The following SERGEF variants were observed in gnomAD, a reference collection of about 807,000 sequenced individuals.
The protein encoded by SERGEF is secretion regulating guanine nucleotide exchange factor, also known as secretion-regulating guanine nucleotide exchange factor.
In SERGEF, 51 loss-of-function variants were observed where a neutral mutation model predicts 50.0. That is an observed-to-expected ratio of 1.02 (90% CI 0.81 to 1.29). The LOEUF (loss-of-function observed/expected upper bound fraction) is 1.29, where lower values mean the gene tolerates loss of function less well. Ranked by LOEUF, SERGEF falls within the 50% of genes most tolerant of loss-of-function variation. The pLI is 0.00. For missense variants in SERGEF, 521 were observed against 557.0 expected (o/e 0.94, Z 0.65); for synonymous variants, 205 against 212.4 (o/e 0.97, Z 0.30).
chr11:17,866,803 T>C (rs190487937), intron 10 of SERGEF: 456 of 152,344 alleles, frequency 3.0e-3, no homozygotes, highest in Non-Finnish European at 4.0e-3. Context: ...TTCCATGTGG[T>C]TGGGGAGGCC....
At chr11:17,993,014 T>C in intron 6 of SERGEF, 21 bp from the exon 7 acceptor site, 1 of 1,608,078 alleles carries the variant, frequency 6.2e-7, no homozygotes, top group Non-Finnish European at 8.5e-7. Flanking sequence ...AAAAATGTTC[T>C]TCTGAATTAC....
intron 10 of SERGEF, among the ~76,000 whole-genome samples, chr11:17,814,777 T>C (rs1849933789): frequency 6.6e-6 from 1 of 152,226 alleles, no homozygotes; most frequent in African/African-American, 2.4e-5. Flanking sequence ...GCAAATAATG[T>C]TGCTGATTCC....
chr11:18,000,871 C>G, intron 4 of SERGEF: 1 of 517,706 alleles, frequency 1.9e-6, no homozygotes, highest in Non-Finnish European at 3.7e-6. Context: ...GTTTTACAGG[C>G]CACAGTTTCT....
At chr11:17,945,712 T>A (rs187954194) in intron 9 of SERGEF, among the ~76,000 whole-genome samples, 29 of 152,238 alleles carry the variant, frequency 1.9e-4, no homozygotes, top group African/African-American at 6.7e-4. Context: ...TTTGGGAGGC[T>A]AAGGCAGGCG....
intron 6 of SERGEF, among the ~76,000 whole-genome samples, chr11:17,994,369 G>C (rs565946658): frequency 6.6e-6 from 1 of 151,652 alleles, no homozygotes; most frequent in Non-Finnish European, 1.5e-5. Context: ...CCAGCTACTC[G>C]GGAGGCTGAG....
chr11:18,012,048 C>T (rs1854207298), intron 1 of SERGEF, among the ~76,000 whole-genome samples: 2 of 152,074 alleles, frequency 1.3e-5, no homozygotes, highest in African/African-American at 4.8e-5. Flanking sequence ...ATGTGTATTT[C>T]CCCAACACCA....
chr11:17,917,416 G>A (rs1028795027), intron 9 of SERGEF, among the ~76,000 whole-genome samples: 1 of 152,168 alleles, frequency 6.6e-6, no homozygotes, highest in African/African-American at 2.4e-5. Context: ...TGACTCAGGG[G>A]GGAAGGGTGG....
chr11:17,830,907 GT>G (rs1850297185), intron 10 of SERGEF, among the ~76,000 whole-genome samples: 1 of 152,058 alleles, frequency 6.6e-6, no homozygotes, highest in South Asian at 2.1e-4. Flanking sequence ...CCATTTACTG[GT>G]TTTCAGTGTA....
At chr11:18,006,086 T>C (rs1854067181) in intron 3 of SERGEF, among the ~76,000 whole-genome samples, 1 of 152,254 alleles carries the variant, frequency 6.6e-6, no homozygotes, top group Admixed American at 6.5e-5. Context: ...TCCTTTACCG[T>C]TAAACTCTCC....
rs751926817 is a variant in SERGEF at position 17,988,715 on chromosome 11, C to T, written c.726G>A (p.Gly242=). Residue 242 remains glycine, a synonymous_variant, in exon 8 of 11, where the codon GGG becomes GGA. Transcript: ENST00000265965. The part of the protein sequence containing the change: ...EVYVWGSNKH[G]QLANEAAFLP... Reference sequence around the variant, plus strand: ...GGAAAGCAGCCTCATTAGCCAGTTGCCCATGCTTGTTGCTTCCCCAAACAT... The same window carrying T: ...GGAAAGCAGCCTCATTAGCCAGTTGTCCATGCTTGTTGCTTCCCCAAACAT... 14 of 1,613,966 alleles carry T rather than the reference C, an allele frequency of 8.7e-6. No individual in the cohort carries two copies. The highest frequency in any genetic ancestry group is 2.7e-5 in the African/African-American group (2 of 74,910).
At chr11:17,881,973 T>G (rs920112841) in intron 9 of SERGEF, among the ~76,000 whole-genome samples, 3 of 152,220 alleles carry the variant, frequency 2.0e-5, no homozygotes, top group African/African-American at 4.8e-5. Flanking sequence ...CTGCTACTCA[T>G]GAACCTTCAA....
At chr11:17,795,294 C>G (rs547017844) in intron 10 of SERGEF, among the ~76,000 whole-genome samples, 1 of 152,334 alleles carries the variant, frequency 6.6e-6, no homozygotes, top group South Asian at 2.1e-4. Flanking sequence ...ACTGGTAGAA[C>G]TGTCCCTAGG....
chr11:17,812,772 G>T (rs1033534430), intron 10 of SERGEF, among the ~76,000 whole-genome samples: 2 of 152,204 alleles, frequency 1.3e-5, no homozygotes, highest in Non-Finnish European at 2.9e-5. Context: ...GCCCCCAGTA[G>T]AGAGCCTGGC....
At position 17,888,643 on chromosome 11, in the gene SERGEF, AC is replaced by A. The variant is rs1851475861; in HGVS notation, c.1012-10400del. Among the ~76,000 whole-genome samples, 2 of 24,236 alleles carry A rather than the reference AC, an allele frequency of 8.3e-5. No homozygotes were observed. The highest frequency in any genetic ancestry group is 3.4e-4 in the African/African-American group (2 of 5,908). The allele number at this position is 24,236 out of a possible 152,430, so 15.9% of individuals were successfully genotyped here. ...CTCACAGTTTTACACACACACACAC[AC>A]ACACACACACACACACACACACACA... is the stretch of plus-strand genomic sequence containing the variant. On this transcript the variant is annotated intron_variant, in intron 9 of 10. Coordinates refer to ENST00000265965, the MANE Select transcript of SERGEF (RefSeq NM_012139.4). The surrounding 1 kb of genome is among the most constrained non-coding windows in gnomAD (Gnocchi z 4.1).
intron 1 of SERGEF, among the ~76,000 whole-genome samples, chr11:18,011,945 G>C (rs1214910891): frequency 6.6e-6 from 1 of 152,054 alleles, no homozygotes; most frequent in Non-Finnish European, 1.5e-5. Context: ...TTAAAAATTG[G>C]ACAACTAATA....
intron 10 of SERGEF, among the ~76,000 whole-genome samples, chr11:17,874,703 C>T (rs1245813464): frequency 2.0e-5 from 3 of 152,188 alleles, no homozygotes; most frequent in African/African-American, 7.2e-5. Flanking sequence ...TAGCAGAATC[C>T]TGTCCTTGAA....
chr11:17,880,993 C>A (rs987849880), intron 9 of SERGEF, among the ~76,000 whole-genome samples: 2 of 152,120 alleles, frequency 1.3e-5, no homozygotes, highest in Non-Finnish European at 2.9e-5. Flanking sequence ...TAAACATTAT[C>A]ACATTTTAGT....
At chr11:17,932,497 A>G (rs933400474) in intron 9 of SERGEF, among the ~76,000 whole-genome samples, 1 of 152,190 alleles carries the variant, frequency 6.6e-6, no homozygotes, top group African/African-American at 2.4e-5. Context: ...AAAGGATGGA[A>G]AAATAAATGT....
intron 9 of SERGEF, among the ~76,000 whole-genome samples, chr11:17,894,516 A>G (rs1001149899): frequency 4.6e-5 from 7 of 152,168 alleles, no homozygotes; most frequent in African/African-American, 1.4e-4. Flanking sequence ...CTTATTATTA[A>G]GTGGTTTTCA....
Sources: allele counts gnomAD v4.1 joint callset (sites outside exome capture counted in the v4.1 genomes callset), GRCh38; gene constraint gnomAD v4.1.1; non-coding constraint Gnocchi (gnomAD v3.1); transcripts MANE v1.5; gene names NCBI Gene and HGNC (gene_info 2026-07-23, HGNC 2026-07-21).